Variants in RIF1 observed in about 807,000 individuals in gnomAD.
The protein encoded by RIF1 is telomere-associated protein RIF1.
A neutral mutation model predicts 247.1 loss-of-function variants in RIF1; 45 were observed. The observed-to-expected ratio is 0.18, with a 90% confidence interval of 0.14 to 0.23. The LOEUF is 0.23. Ranked by LOEUF, RIF1 falls within the 10% of genes least tolerant of loss-of-function variation. The pLI, the probability that RIF1 is intolerant of heterozygous loss-of-function variation, is 1.00. For synonymous variants in RIF1, 1,087 were observed against 978.8 expected, an observed-to-expected ratio of 1.11 and a Z score of -2.06; for missense variants, 2,967 against 2,862.5, an observed-to-expected ratio of 1.04 and a Z score of -0.83.
chr2:151,531,308 CTTTTTTTTTTTTTT>C, the RIF1 span, among the ~76,000 whole-genome samples: 7 of 84,030 alleles, frequency 8.3e-5, no homozygotes, highest in East Asian at 2.7e-3. Flanking sequence ...TTTTTTCTTT[CTTTTTTTTTTTTTT>C]TTTTTTTTTT....
chr2:151,519,825 G>A, the RIF1 span: 1 of 1,172,188 alleles, frequency 8.5e-7, no homozygotes, highest in Non-Finnish European at 1.3e-6. Flanking sequence ...TTTGGGAATT[G>A]GGGAATAGTA....
intron 9 of RIF1, chr2:151,493,836 G>C: frequency 6.3e-7 from 1 of 1,582,866 alleles, no homozygotes; most frequent in Non-Finnish European, 8.6e-7. Flanking sequence ...GGGTGTGGGG[G>C]TTGCTTTCCC....
In RIF1 at chr2:151,500,352, A is replaced by G. The variant is rs189366071; in HGVS notation, c.*709+812A>G. Among the ~76,000 whole-genome samples, 437 of 152,268 alleles carry G rather than the reference A, an allele frequency of 2.9e-3. 2 individuals are homozygous for G. Among genetic ancestry groups the G allele is most frequent in the African/African-American group, 0.01 (418 of 41,564 alleles). ...AAAATCCATCTAAATTTTCCTAATG[A>G]CATTTGATTCTCCATCACAGGTATA... On this transcript the variant is annotated intron_variant and NMD_transcript_variant, in intron 11 of 13. Transcript: ENST00000454583.
chr2:151,449,205 C>T (rs945809663), intron 20 of RIF1, among the ~76,000 whole-genome samples: 1 of 152,124 alleles, frequency 6.6e-6, no homozygotes, highest in African/African-American at 2.4e-5. Flanking sequence ...TGTATTGAAT[C>T]ATGTGTTTTT....
chr2:151,462,286 A>T lies in RIF1; in HGVS notation c.3272A>T (p.Asp1091Val). 6.3e-7 allele frequency: 1 copy of T among 1,590,322 alleles called. No individual in the cohort carries two copies. ...TATAATAATCTGGATGTTTCCCAAG[A>T]TACCTTATTTACTCAGTATAGTCAG... The part of the protein sequence containing the change: ...AMYNNLDVSQ[D>V]TLFTQYSQEE... Residue 1091 changes from aspartate to valine, a missense_variant, in exon 28 of 36, where the codon GAT becomes GTT. By Grantham distance (152) the Asp-to-Val change is radical. Coordinates refer to ENST00000444746, the MANE Select transcript of RIF1 (RefSeq NM_018151.5).
chr2:151,420,734 CA>C (rs35285535), intron 7 of RIF1, among the ~76,000 whole-genome samples: 37,545 of 111,636 alleles, frequency 0.34, 4,745 homozygotes, highest in East Asian at 0.44. Flanking sequence ...GACCCTGTCT[CA>C]AAAAAAAAAA....
At position 151,490,043 on chromosome 2, in the gene RIF1, T is replaced by C. The variant is rs748525509; in HGVS notation, c.*416-5186T>C. 6 of 1,612,984 alleles carry C rather than the reference T, an allele frequency of 3.7e-6. No homozygotes were observed. The highest frequency in any genetic ancestry group is 3.3e-4 in the Middle Eastern group (2 of 6,078). On this transcript the variant is annotated intron_variant and NMD_transcript_variant, in intron 9 of 13. Coordinates refer to the RIF1 transcript ENST00000454583. ...GGGTAGCAACTGAAGATGATCGTTG[T>C]TGTGGGAGCTCTGTGGTTTTTGCAT...
the RIF1 span, chr2:151,513,533 G>T: frequency 7.2e-7 from 1 of 1,396,284 alleles, no homozygotes; most frequent in Non-Finnish European, 1.0e-6. Flanking sequence ...TGTCCTTAAA[G>T]TTACAACTAC....
intron 9 of RIF1, among the ~76,000 whole-genome samples, chr2:151,494,699 A>G (rs1559172684): frequency 6.6e-6 from 1 of 152,084 alleles, no homozygotes; most frequent in Non-Finnish European, 1.5e-5. Flanking sequence ...CCCAGGCTGG[A>G]GTGCAATGGC....
At chr2:151,422,108 G>T (rs1688286216) in intron 7 of RIF1, among the ~76,000 whole-genome samples, 2 of 152,118 alleles carry the variant, frequency 1.3e-5, no homozygotes, top group Non-Finnish European at 2.9e-5. Flanking sequence ...GAGATTGCAG[G>T]CATGAGCCAC....
At chr2:151,440,735 C>T (rs1692138179) in intron 15 of RIF1, among the ~76,000 whole-genome samples, 2 of 152,144 alleles carry the variant, frequency 1.3e-5, no homozygotes, top group South Asian at 4.1e-4. Flanking sequence ...AGGTTGAATA[C>T]CAGCCTAACT....
the RIF1 span, chr2:151,518,270 C>A: frequency 2.0e-5 from 27 of 1,317,614 alleles, no homozygotes; most frequent in Admixed American, 4.2e-4. Context: ...TCACATTGTA[C>A]TGTGGATGAA....
At chr2:151,416,501 A>G in intron 4 of RIF1, 60 bp from the exon 5 acceptor site, 1 of 1,411,628 alleles carries the variant, frequency 7.1e-7, no homozygotes, top group Non-Finnish European at 9.7e-7. Flanking sequence ...CTAGTTTTAT[A>G]TTTGAGACTT....
intron 2 of RIF1, 26 bp from the exon 3 acceptor site, chr2:151,411,228 TACTTAA>T (rs772792957): frequency 3.1e-6 from 4 of 1,293,032 alleles, no homozygotes; most frequent in Non-Finnish European, 4.4e-6. Context: ...TCCTGTCAAC[TACTTAA>T]ACTTGTGTTC....
intron 22 of RIF1, 40 bp downstream of exon 22, chr2:151,455,199 A>G: frequency 6.8e-7 from 1 of 1,466,310 alleles, no homozygotes; most frequent in Non-Finnish European, 9.3e-7. Context: ...TTAAATGTAT[A>G]CAATTTAAAT....
the RIF1 span, chr2:151,524,370 T>A: frequency 6.2e-7 from 1 of 1,614,024 alleles, no homozygotes; most frequent in Middle Eastern, 1.7e-4. Flanking sequence ...CCGAGCATGC[T>A]TAAGCCATGG....
Position 151,505,918 on chromosome 2 carries a change from C to T in RIF1, c.*862-292C>T, listed in dbSNP as rs1210235329. ...ATATCCAGGAAGGTTGGTTCTTTGACTGTACCGGATTCTACCTTCTCACAA... is the reference window on the plus strand; with the variant it reads ...ATATCCAGGAAGGTTGGTTCTTTGATTGTACCGGATTCTACCTTCTCACAA... On this transcript the variant is annotated intron_variant and NMD_transcript_variant, in intron 12 of 13. Transcript: ENST00000454583. 1.2e-5 allele frequency: 7 copies of T among 563,618 alleles called. No homozygotes were observed. In the African/African-American group the frequency reaches 1.3e-4, roughly 11 times the overall value. The allele number at this position is 563,618 out of a possible 1,614,324, so 34.9% of individuals were successfully genotyped here.
chr2:151,466,048 T>C lies in RIF1; in HGVS notation c.6528T>C (p.Ser2176=), dbSNP rs1330917911. ...QTRCVWSPLA[S]PSTSILKRGL... is the part of the protein sequence containing the mutation. Reference sequence around the variant, plus strand: ...GCTGTGTCTGGTCTCCTTTGGCTTCTCCGTCTACGAGCATTTTAAAGAGAG... The same window carrying C: ...GCTGTGTCTGGTCTCCTTTGGCTTCCCCGTCTACGAGCATTTTAAAGAGAG... Residue 2176 remains serine, a synonymous_variant, in exon 30 of 36, where the codon TCT becomes TCC. Transcript: ENST00000444746. The C allele has an allele frequency of 1.2e-6, 2 of 1,612,924 alleles. No individual in the cohort carries two copies. Among genetic ancestry groups the C allele is most frequent in the African/African-American group, 1.3e-5 (1 of 74,872 alleles).
rs770348913 is a variant in RIF1, at chr2:151,462,928, G to A, written c.3408G>A (p.Thr1136=). The change falls in exon 30 of 36, where the codon ACG becomes ACA. Residue 1136 remains threonine (T), a synonymous_variant. Coordinates refer to ENST00000444746, the MANE Select transcript of RIF1 (RefSeq NM_018151.5). ...ACATTGTCATTCCTCAAGATGTCAC[G>A]GAAGACTGTGGTATGGCTGAACATC... ...DSDIVIPQDV[T]EDCGMAEHLE... The A allele has an allele frequency of 1.9e-5, 31 of 1,612,148 alleles. No individual in the cohort carries two copies. Among genetic ancestry groups the A allele is most frequent in the Non-Finnish European group, 2.4e-5 (28 of 1,179,424 alleles).
Sources: gnomAD v4.1 joint callset for allele counts (sites outside exome capture counted in the v4.1 genomes callset) on GRCh38, gnomAD v4.1.1 for gene constraint, MANE v1.5 for transcripts, NCBI Gene and HGNC (gene_info 2026-07-23, HGNC 2026-07-21) for gene names.